EPN2: variants seen among roughly 807,000 people sequenced by gnomAD.
EPN2 encodes epsin 2.
EPN2 carries 34 observed loss-of-function variants against 61.7 expected under a neutral mutation model. The observed-to-expected ratio is 0.55, with a 90% confidence interval of 0.42 to 0.73. EPN2 has a LOEUF of 0.73. Ranked by LOEUF, EPN2 falls within the 30% of genes least tolerant of loss-of-function variation. The pLI is 0.00. For missense variants in EPN2, 714 were observed against 839.2 expected (o/e 0.85, Z 1.84); for synonymous variants, 349 against 353.6 (o/e 0.99, Z 0.15).
At position 19,334,922 on chromosome 17, in the gene EPN2, T is replaced by C. The variant is rs1190676403; in HGVS notation, c.*668T>C. 6.5e-6 allele frequency: 1 copy of C among 154,044 alleles called. No homozygotes were observed. Among genetic ancestry groups the C allele is most frequent in the Non-Finnish European group, 1.4e-5 (1 of 69,042 alleles). The allele number at this position is 154,044 out of a possible 1,614,324, so 9.5% of individuals were successfully genotyped here. The stretch of plus-strand genomic sequence containing the variant: ...AATTATCTAATAGTCTTTTTTTGGC[T>C]AATATTTTTATAACGTGGTTCTTAT... On this transcript the variant is annotated 3_prime_UTR_variant, in exon 11 of 11. Coordinates refer to ENST00000314728, the MANE Select transcript of EPN2 (RefSeq NM_014964.5). The surrounding 1 kb of genome is among the most constrained non-coding windows in gnomAD (Gnocchi z 4.9).
intron 1 of EPN2, among the ~76,000 whole-genome samples, chr17:19,263,219 T>A (rs1271165299): frequency 1.3e-5 from 2 of 152,186 alleles, no homozygotes; most frequent in Non-Finnish European, 2.9e-5. Flanking sequence ...ATGGCTGACT[T>A]CAGAGGAGGT....
In EPN2 at chr17:19,297,393, A is replaced by AT. The variant is rs1230246847; in HGVS notation, c.766+11604dup. On this transcript the variant is annotated intron_variant, in intron 4 of 10. Coordinates refer to ENST00000314728, the MANE Select transcript of EPN2 (RefSeq NM_014964.5). ...ATTATGCAGATAGTATAACAGTATT[A>AT]TGGACATGTCATTCACAACCGTGTG... 2.0e-5 allele frequency: 3 copies of AT among 152,278 alleles called. No individual in the cohort carries two copies. In the East Asian group the frequency reaches 5.8e-4, roughly 29 times the overall value. 9.4% of individuals were successfully genotyped at this position (152,278 alleles called of 1,614,324 possible).
At chr17:19,279,583 C>T (rs1283355298) in intron 1 of EPN2, among the ~76,000 whole-genome samples, 2 of 151,222 alleles carry the variant, frequency 1.3e-5, no homozygotes, top group African/African-American at 2.4e-5. Context: ...GGACTACAGG[C>T]GCCCGCCACT....
chr17:19,319,531 C>T (rs1170088029), intron 7 of EPN2, among the ~76,000 whole-genome samples: 2 of 152,024 alleles, frequency 1.3e-5, no homozygotes, highest in African/African-American at 2.4e-5. Flanking sequence ...CGGGGTTTCA[C>T]CATATTGGCC....
At chr17:19,246,296 G>T (rs1001886597) in intron 1 of EPN2, among the ~76,000 whole-genome samples, 1 of 152,158 alleles carries the variant, frequency 6.6e-6, no homozygotes, top group African/African-American at 2.4e-5. Context: ...GACAGAGGTC[G>T]CAGTGAGCTG....
At chr17:19,319,961 A>T (rs976011871) in intron 7 of EPN2, among the ~76,000 whole-genome samples, 8 of 152,208 alleles carry the variant, frequency 5.3e-5, no homozygotes, top group African/African-American at 9.7e-5. Context: ...CCAGCGACAG[A>T]TTATACTTTT....
Position 19,285,697 on chromosome 17 carries a change from C to CA in EPN2, c.674dup (p.Arg226AlafsTer26). 1 of 1,593,036 alleles carries CA rather than the reference C, an allele frequency of 6.3e-7. No individual in the cohort carries two copies. Among genetic ancestry groups the CA allele is most frequent in the Non-Finnish European group, 8.5e-7 (1 of 1,170,970 alleles). On this transcript the variant is annotated frameshift_variant, in exon 4 of 11. Coordinates refer to ENST00000314728, the MANE Select transcript of EPN2 (RefSeq NM_014964.5). LOFTEE classifies it high-confidence loss of function. The surrounding 1 kb of genome is among the most constrained non-coding windows in gnomAD (Gnocchi z 4.5). Reference sequence around the variant, plus strand: ...GAGTGAGGAGCTGCAGCCACTGAGCCAGCGCCACCCCTTCCTGCCGCACCT... The same window carrying CA: ...GAGTGAGGAGCTGCAGCCACTGAGCCAAGCGCCACCCCTTCCTGCCGCACCT...
intron 7 of EPN2, among the ~76,000 whole-genome samples, chr17:19,319,886 C>T (rs1243102971): frequency 3.9e-5 from 6 of 152,208 alleles, no homozygotes; most frequent in African/African-American, 7.2e-5. Flanking sequence ...GACCTTGATC[C>T]ACCCGCCTCG....
intron 4 of EPN2, among the ~76,000 whole-genome samples, chr17:19,304,234 G>C (rs986428435): frequency 2.4e-4 from 36 of 152,236 alleles, no homozygotes; most frequent in Non-Finnish European, 5.0e-4. Flanking sequence ...AGGCTCTCCT[G>C]TGTTGAGAAG....
At chr17:19,240,495 CTT>C (rs1373013043) in intron 1 of EPN2, among the ~76,000 whole-genome samples, 1 of 152,230 alleles carries the variant, frequency 6.6e-6, no homozygotes, top group Non-Finnish European at 1.5e-5. Flanking sequence ...ATCCACCTAT[CTT>C]GGCCTCCCAA....
intron 1 of EPN2, among the ~76,000 whole-genome samples, chr17:19,265,594 C>T (rs563971155): frequency 1.3e-4 from 20 of 152,226 alleles, no homozygotes; most frequent in African/African-American, 4.6e-4. Context: ...TGGACTTGGC[C>T]GATGTCTACT....
intron 4 of EPN2, among the ~76,000 whole-genome samples, chr17:19,292,282 A>G (rs993808521): frequency 2.0e-5 from 3 of 152,164 alleles, no homozygotes. Flanking sequence ...GTTGGTGGCC[A>G]CCAGCCAGGT....
intron 7 of EPN2, among the ~76,000 whole-genome samples, chr17:19,328,045 GTGTT>G (rs1428205357): frequency 2.6e-5 from 4 of 152,156 alleles, no homozygotes; most frequent in Non-Finnish European, 5.9e-5. Flanking sequence ...TTTTTTGTGT[GTGTT>G]TTTTCTTTTT....
At chr17:19,312,864 G>T (rs1462930364) in intron 6 of EPN2, 2 of 485,876 alleles carry the variant, frequency 4.1e-6, no homozygotes, top group Non-Finnish European at 3.6e-6. Flanking sequence ...AGTCTGTTGA[G>T]CCCTGAGGTC....
Position 19,313,633 on chromosome 17 carries a change from A to C in EPN2, c.1147+354A>C, listed in dbSNP as rs553887717. ...AGCTGAAGGAACCAAAATACACAGCATGGAACATCCAAATCAAGCTGCTGT... is the reference window on the plus strand; with the variant it reads ...AGCTGAAGGAACCAAAATACACAGCCTGGAACATCCAAATCAAGCTGCTGT... On this transcript the variant is annotated intron_variant, in intron 7 of 10. Coordinates refer to ENST00000314728, the MANE Select transcript of EPN2 (RefSeq NM_014964.5). 1.6e-5 allele frequency: 4 copies of C among 250,790 alleles called. No homozygotes were observed. The South Asian group carries it at 6.6e-4, about 41-fold the overall frequency. 15.5% of individuals were successfully genotyped at this position (250,790 alleles called of 1,614,324 possible).
At chr17:19,281,531 A>G (rs1441692957) in intron 1 of EPN2, among the ~76,000 whole-genome samples, 1 of 151,890 alleles carries the variant, frequency 6.6e-6, no homozygotes. Context: ...CCCATTACCC[A>G]TCTGAGGCTT....
At chr17:19,255,055 C>G (rs1191207969) in intron 1 of EPN2, among the ~76,000 whole-genome samples, 1 of 152,134 alleles carries the variant, frequency 6.6e-6, no homozygotes, top group African/African-American at 2.4e-5. Context: ...TGGCCAAGTG[C>G]TGACTGGTGG....
chr17:19,333,974 C>T lies in EPN2; in HGVS notation c.1646C>T (p.Ala549Val). Residue 549 changes from alanine (A) to valine (V), a missense_variant, in exon 11 of 11, where the codon GCC (alanine) becomes GTC (valine). By Grantham distance (64) the Ala-to-Val change is moderately conservative (BLOSUM62 0). Coordinates refer to ENST00000314728, the MANE Select transcript of EPN2 (RefSeq NM_014964.5). ...FLAPGAPATS[A>V]PVNPFQVNQP... is the part of the protein sequence containing the mutation. Reference sequence around the variant, plus strand: ...TCCCCAGGTGCTCCCGCCACCTCGGCCCCTGTTAACCCTTTCCAGGTGAAC... The same window carrying T: ...TCCCCAGGTGCTCCCGCCACCTCGGTCCCTGTTAACCCTTTCCAGGTGAAC... 6.4e-7 allele frequency: 1 copy of T among 1,554,668 alleles called. No individual in the cohort carries two copies. Among genetic ancestry groups the T allele is most frequent in the East Asian group, 2.3e-5 (1 of 43,428 alleles).
intron 1 of EPN2, among the ~76,000 whole-genome samples, chr17:19,270,156 A>G (rs1251887364): frequency 6.6e-6 from 1 of 152,016 alleles, no homozygotes; most frequent in Non-Finnish European, 1.5e-5. Flanking sequence ...AAGAAGAATA[A>G]CTCCTCCATA....
Sources: allele counts gnomAD v4.1 joint callset (sites outside exome capture counted in the v4.1 genomes callset), GRCh38; gene constraint gnomAD v4.1.1; non-coding constraint Gnocchi (gnomAD v3.1); transcripts MANE v1.5; gene names NCBI Gene and HGNC (gene_info 2026-07-23, HGNC 2026-07-21).